The following ZNF7 variants were observed in gnomAD, a reference collection of about 807,000 sequenced individuals.
The protein encoded by ZNF7 is C2-H2 type zinc finger protein.
Under a neutral mutation model 12.0 loss-of-function variants are expected in ZNF7, and 10 were observed. The observed-to-expected ratio is 0.83, with a 90% CI of 0.51 to 1.42. The LOEUF is 1.42. Ranked by LOEUF, ZNF7 falls within the 40% of genes most tolerant of loss-of-function variation. The pLI is 0.00. For synonymous variants in ZNF7, 334 were observed against 295.0 expected (o/e 1.13, Z -1.35); for missense variants, 854 against 837.2 (o/e 1.02, Z -0.25).
Position 144,842,113 on chromosome 8 carries a change from TGTC to T in ZNF7, c.1009_1011del (p.Arg337del). On this transcript the variant is annotated inframe_deletion, in exon 5 of 5. Coordinates refer to ENST00000532777, the MANE Select transcript of ZNF7 (RefSeq NM_003416.4). ...CCACACAGGAGAGAGGCCCTATGGT[TGTC>T]GTGAGTGTGGGAAAGCCTTCAGCCA... 6.2e-7 allele frequency: 1 copy of T among 1,614,118 alleles called. No homozygotes were observed. Among genetic ancestry groups the T allele is most frequent in the Non-Finnish European group, 8.5e-7 (1 of 1,180,030 alleles).
At chr8:144,840,415 C>A (rs1829729141) in intron 4 of ZNF7, among the ~76,000 whole-genome samples, 1 of 152,146 alleles carries the variant, frequency 6.6e-6, no homozygotes, top group Non-Finnish European at 1.5e-5. Context: ...GCTGTGCATT[C>A]ATGTGGGGTA....
At chr8:144,846,914 G>A (rs1284111690), downstream of ZNF7, 1 of 152,060 alleles carries the variant, frequency 6.6e-6, no homozygotes, top group African/African-American at 2.4e-5. Flanking sequence ...TTAGCCAGCT[G>A]GTCTCGATCT....
chr8:144,829,659 G>A (rs1408151838), intron 3 of ZNF7, 55 bp downstream of exon 3: 5 of 1,556,124 alleles, frequency 3.2e-6, no homozygotes, highest in Admixed American at 3.7e-5. Context: ...CACCCACCCA[G>A]CCAGGCCTCC....
At chr8:144,830,819 C>T (rs1452975017) in intron 3 of ZNF7, 5 of 397,790 alleles carry the variant, frequency 1.3e-5, no homozygotes, top group East Asian at 7.8e-5. Context: ...CCGCCACCTC[C>T]GCCTCCTGGG....
At chr8:144,838,298 GACTGTGTTTCCAAACAA>G (rs1043654138) in intron 4 of ZNF7, 6 of 585,160 alleles carry the variant, frequency 1.0e-5, no homozygotes, top group African/African-American at 9.3e-5. Context: ...AATCTGCAAC[GACTGTGTTTCCAAACAA>G]GGTCACATTC....
At chr8:144,845,370 C>G (rs1830454882), downstream of ZNF7, among the ~76,000 whole-genome samples, 1 of 151,940 alleles carries the variant, frequency 6.6e-6, no homozygotes, top group South Asian at 2.1e-4. Context: ...GCTGGGGGGC[C>G]ATTACCTCAC....
chr8:144,846,403 C>T (rs973338680), downstream of ZNF7: 2 of 524,230 alleles, frequency 3.8e-6, no homozygotes, highest in Admixed American at 3.2e-5. Flanking sequence ...ATGTTAAAAT[C>T]GAATTTGACT....
downstream of ZNF7, chr8:144,846,919 C>G (rs900678941): frequency 6.6e-6 from 1 of 152,150 alleles, no homozygotes; most frequent in African/African-American, 2.4e-5. Context: ...CAGCTGGTCT[C>G]GATCTTCTGA....
At chr8:144,828,117 G>A (rs1828001085) in intron 1 of ZNF7, 1 of 152,382 alleles carries the variant, frequency 6.6e-6, no homozygotes, top group African/African-American at 2.4e-5. Flanking sequence ...TCAGGAGCCA[G>A]GTGGGGGGAT....
chr8:144,843,275 G>A lies in ZNF7; in HGVS notation c.*107G>A. The A allele has an allele frequency of 7.5e-7, 1 of 1,332,974 alleles. No homozygotes were observed. Among genetic ancestry groups the A allele is most frequent in the East Asian group, 2.4e-5 (1 of 42,214 alleles). 82.6% of individuals were successfully genotyped at this position (1,332,974 alleles called of 1,614,324 possible). ...ACAAACATGTAGAATGTTGGTAAAG[G>A]TTCAGAATTGCTCTCAAGAATATCC... On this transcript the variant is annotated 3_prime_UTR_variant, in exon 5 of 5. Transcript: ENST00000532777.
chr8:144,838,084 T>G, intron 4 of ZNF7: 1 of 702,942 alleles, frequency 1.4e-6, no homozygotes, highest in Non-Finnish European at 2.6e-6. Flanking sequence ...TAGGGAAGGA[T>G]CCTGTCCTGC....
Position 144,842,673 on chromosome 8 carries a change from G to A in ZNF7, c.1566G>A (p.Glu522=), listed in dbSNP as rs781175829. The A allele has an allele frequency of 6.2e-7, 1 of 1,614,170 alleles. No individual in the cohort carries two copies. The highest frequency in any genetic ancestry group is 8.5e-7 in the Non-Finnish European group (1 of 1,180,048). ...LIYHQRIHKG[E]KPYECLQCGK... The stretch of plus-strand genomic sequence containing the variant: ...ACCATCAGAGAATCCATAAAGGAGA[G>A]AAGCCCTACGAATGCCTCCAATGCG... Residue 522 remains glutamate, a synonymous_variant, in exon 5 of 5, where the codon GAG becomes GAA. Transcript: ENST00000532777.
intron 1 of ZNF7, chr8:144,828,668 G>A (rs940476823): frequency 4.1e-6 from 1 of 241,832 alleles, no homozygotes; most frequent in Non-Finnish European, 8.4e-6. Context: ...CCCTGTACTT[G>A]AGCGCTGTCG....
At position 144,842,899 on chromosome 8, in the gene ZNF7, G is replaced by C; in HGVS notation, c.1792G>C (p.Glu598Gln). Residue 598 changes from glutamate to glutamine, a missense_variant, in exon 5 of 5, where the codon GAA (glutamate) becomes CAA (glutamine). By Grantham distance (29) the Glu-to-Gln change is conservative. Transcript: ENST00000532777. ...CTTCAGCCGGAGCTCATATCTTATT[G>C]AACACCAGAGAATACACACTAGGGC... ...KAFSRSSYLI[E>Q]HQRIHTRAQW... The C allele has an allele frequency of 6.2e-7, 1 of 1,614,162 alleles. No homozygotes were observed. The highest frequency in any genetic ancestry group is 8.5e-7 in the Non-Finnish European group (1 of 1,180,036).
intron 4 of ZNF7, among the ~76,000 whole-genome samples, chr8:144,839,053 TC>T (rs924819089): frequency 8.7e-6 from 1 of 114,730 alleles, no homozygotes; most frequent in Admixed American, 8.8e-5. Context: ...TGACCTTACT[TC>T]CATTCATATG....
At position 144,841,720 on chromosome 8, in the gene ZNF7, A is replaced by G. The variant is rs1331788290; in HGVS notation, c.613A>G (p.Ile205Val). Reference sequence around the variant, plus strand: ...GAGATGCGAGGAGTGTGGCAAAGGCATCAGAGCCACTTCAGATATCGCTCT... The same window carrying G: ...GAGATGCGAGGAGTGTGGCAAAGGCGTCAGAGCCACTTCAGATATCGCTCT... ...SQRCEECGKG[I>V]RATSDIALHW... The change falls in exon 5 of 5, where the codon ATC becomes GTC. Residue 205 changes from isoleucine (I) to valine (V), a missense_variant. By Grantham distance (29) the Ile-to-Val change is conservative. Transcript: ENST00000532777. 11 of 1,614,076 alleles carry G rather than the reference A, an allele frequency of 6.8e-6. No individual in the cohort carries two copies. In the Admixed American group the frequency reaches 1.8e-4, roughly 27 times the overall value.
chr8:144,830,735 T>A (rs1223697474), intron 3 of ZNF7, among the ~76,000 whole-genome samples: 1 of 152,080 alleles, frequency 6.6e-6, no homozygotes, highest in Non-Finnish European at 1.5e-5. Flanking sequence ...GTCCTTTTTT[T>A]TTTTTTTTGA....
chr8:144,837,420 A>T lies in ZNF7; in HGVS notation c.160A>T (p.Ile54Phe). 6.2e-7 allele frequency: 1 copy of T among 1,612,466 alleles called. No individual in the cohort carries two copies. ...AGFLVFKPEL[I>F]SRLEQGEEPW... ...ATTCCTGGTTTTCAAGCCTGAGCTG[A>T]TCTCTCGGCTGGAGCAGGGAGAAGA... The change falls in exon 4 of 5, where the codon ATC becomes TTC. Residue 54 changes from isoleucine to phenylalanine, a missense_variant. Transcript: ENST00000532777.
intron 3 of ZNF7, among the ~76,000 whole-genome samples, chr8:144,832,964 G>A (rs891085479): frequency 9.9e-5 from 15 of 152,018 alleles, no homozygotes; most frequent in Non-Finnish European, 1.6e-4. Flanking sequence ...GAAGTAGGCC[G>A]AGGTGGGCGG....
Sources: gnomAD v4.1 joint callset for allele counts (sites outside exome capture counted in the v4.1 genomes callset) on GRCh38, gnomAD v4.1.1 for gene constraint, MANE v1.5 for transcripts, NCBI Gene and HGNC (gene_info 2026-07-23, HGNC 2026-07-21) for gene names.